The following CGNL1 variants were observed in gnomAD, a reference collection of about 807,000 sequenced individuals.
CGNL1 encodes cingulin like 1.
CGNL1 carries 132 observed loss-of-function variants against 141.2 expected under a neutral mutation model. The observed-to-expected ratio is 0.93, with a 90% CI of 0.81 to 1.08. The LOEUF (loss-of-function observed/expected upper bound fraction) is 1.08. CGNL1 is among the 50% of genes least tolerant of loss of function. The pLI is 0.00. For synonymous variants in CGNL1, 690 were observed against 622.1 expected (o/e 1.11, Z -1.63); for missense variants, 1,870 against 1,588.6 (o/e 1.18, Z -3.01).
intron 8 of CGNL1, among the ~76,000 whole-genome samples, chr15:57,502,980 T>C (rs1295443420): frequency 6.6e-5 from 10 of 152,176 alleles, no homozygotes; most frequent in Admixed American, 6.5e-4. Context: ...GAGGTCCCAG[T>C]GCAGTTGGAA....
chr15:57,450,007 T>C (rs918055400), intron 4 of CGNL1, among the ~76,000 whole-genome samples: 9 of 152,228 alleles, frequency 5.9e-5, no homozygotes, highest in Non-Finnish European at 1.2e-4. Flanking sequence ...TGAATAAGGC[T>C]GCTTTAAACG....
At chr15:57,478,205 C>T (rs1165916224) in intron 8 of CGNL1, 1 of 152,254 alleles carries the variant, frequency 6.6e-6, no homozygotes, top group Non-Finnish European at 1.5e-5. Flanking sequence ...AGGTCAGGGG[C>T]CTGTCTCTCC....
intron 1 of CGNL1, among the ~76,000 whole-genome samples, chr15:57,415,462 A>T (rs1345303976): frequency 6.6e-6 from 1 of 152,226 alleles, no homozygotes; most frequent in African/African-American, 2.4e-5. Context: ...AAGAGCTGAG[A>T]AATGCAGGTG....
At chr15:57,475,550 C>T (rs1180483824) in intron 8 of CGNL1, among the ~76,000 whole-genome samples, 1 of 149,382 alleles carries the variant, frequency 6.7e-6, no homozygotes, top group Admixed American at 6.7e-5. Flanking sequence ...CTTTTCTTCT[C>T]TTTTTACATA....
intron 1 of CGNL1, among the ~76,000 whole-genome samples, chr15:57,430,232 T>A (rs2063028367): frequency 6.6e-6 from 1 of 152,202 alleles, no homozygotes. Flanking sequence ...CCAGAGCCAA[T>A]ATTGGACTTG....
chr15:57,391,606 G>A (rs1468420795), intron 1 of CGNL1, among the ~76,000 whole-genome samples: 1 of 152,156 alleles, frequency 6.6e-6, no homozygotes, highest in African/African-American at 2.4e-5. Flanking sequence ...GTTGAAGGTG[G>A]TTTACATAAG....
intron 4 of CGNL1, among the ~76,000 whole-genome samples, chr15:57,450,323 CTG>C (rs1567125729): frequency 6.6e-6 from 1 of 152,210 alleles, no homozygotes; most frequent in Non-Finnish European, 1.5e-5. Context: ...GTCACCCAGT[CTG>C]GAGTGCAGTA....
intron 8 of CGNL1, among the ~76,000 whole-genome samples, chr15:57,505,335 A>T (rs1436282775): frequency 6.6e-6 from 1 of 152,176 alleles, no homozygotes; most frequent in Non-Finnish European, 1.5e-5. Context: ...CCCTGTTTTT[A>T]AGAAAGCTGA....
intron 14 of CGNL1, among the ~76,000 whole-genome samples, chr15:57,540,038 G>C (rs116027692): frequency 0.01 from 1,562 of 152,242 alleles, 35 homozygotes; most frequent in African/African-American, 0.035. Flanking sequence ...GGTCCTGTGT[G>C]ACTACTCTCT....
chr15:57,444,130 A>G (rs1226610606), intron 4 of CGNL1, among the ~76,000 whole-genome samples: 2 of 152,278 alleles, frequency 1.3e-5, no homozygotes, highest in Non-Finnish European at 2.9e-5. Flanking sequence ...TCTGGAGGTA[A>G]TCATATCCTG....
At chr15:57,384,135 C>T (rs1294719591) in intron 1 of CGNL1, among the ~76,000 whole-genome samples, 2 of 151,994 alleles carry the variant, frequency 1.3e-5, no homozygotes, top group African/African-American at 4.8e-5. Context: ...GGAGATAAGA[C>T]CCACCAGTTA....
chr15:57,438,783 C>G lies in CGNL1; in HGVS notation c.784C>G (p.Pro262Ala), dbSNP rs778395768. 1.2e-6 allele frequency: 2 copies of G among 1,614,160 alleles called. No homozygotes were observed. The highest frequency in any genetic ancestry group is 3.3e-5 in the Admixed American group (2 of 60,012). Residue 262 changes from proline (P) to alanine (A), a missense_variant, in exon 2 of 19, where the codon CCA becomes GCA. Transcript: ENST00000281282. ...CGGGAGGCCCCTGACTGCCCACAGCCCACATGCCCACCCTGAAACCAAGAA... is the reference window on the plus strand; with the variant it reads ...CGGGAGGCCCCTGACTGCCCACAGCGCACATGCCCACCCTGAAACCAAGAA... ...TSGRPLTAHS[P>A]HAHPETKKTR... is the part of the protein sequence containing the mutation.
Position 57,452,163 on chromosome 15 carries a change from A to C in CGNL1, c.1928A>C (p.Glu643Ala), listed in dbSNP as rs774757844. 6.2e-7 allele frequency: 1 copy of C among 1,613,694 alleles called. No individual in the cohort carries two copies. The highest frequency in any genetic ancestry group is 2.2e-5 in the East Asian group (1 of 44,856). Residue 643 changes from glutamate to alanine, a missense_variant, in exon 6 of 19, where the codon GAG (glutamate) becomes GCG (alanine). By Grantham distance (107) the Glu-to-Ala change is moderately radical (BLOSUM62 -1). Coordinates refer to ENST00000281282, the MANE Select transcript of CGNL1 (RefSeq NM_032866.5). ...TAGAATCAACAGAACATTAAAGAAG[A>C]GAGAGAGAGGATGAGAGCAAACCTA... is the stretch of plus-strand genomic sequence containing the variant. ...EVKNQQNIKEERERMRANLEE... is the reference protein window; with the variant it reads ...EVKNQQNIKEARERMRANLEE...
At chr15:57,521,979 A>G (rs1283631739) in intron 10 of CGNL1, among the ~76,000 whole-genome samples, 1 of 152,082 alleles carries the variant, frequency 6.6e-6, no homozygotes, top group Non-Finnish European at 1.5e-5. Context: ...GTCCCATACC[A>G]TACCTCACTG....
At chr15:57,509,257 C>T (rs1432356015) in intron 8 of CGNL1, among the ~76,000 whole-genome samples, 2 of 152,120 alleles carry the variant, frequency 1.3e-5, no homozygotes, top group Admixed American at 6.5e-5. Context: ...GGGTGGCCAG[C>T]GAGATGGAAC....
chr15:57,529,558 A>AC (rs1491550381), intron 13 of CGNL1, among the ~76,000 whole-genome samples: 10 of 103,216 alleles, frequency 9.7e-5, no homozygotes, highest in African/African-American at 3.3e-4. Context: ...TAACCCCCAG[A>AC]AACACACACA....
chr15:57,482,584 G>C (rs1595751162), intron 8 of CGNL1, among the ~76,000 whole-genome samples: 1 of 152,290 alleles, frequency 6.6e-6, no homozygotes, highest in South Asian at 2.1e-4. Flanking sequence ...CTCTGTAAAA[G>C]TGGGTTGGGC....
chr15:57,493,393 T>C (rs1008085166), intron 8 of CGNL1, among the ~76,000 whole-genome samples: 3 of 152,116 alleles, frequency 2.0e-5, no homozygotes, highest in African/African-American at 7.2e-5. Context: ...GGTCCTGTCA[T>C]GTTAACTTGT....
At position 57,549,691 on chromosome 15, in the gene CGNL1, C is replaced by T. The variant is rs1055143181; in HGVS notation, c.*2201C>T. 19 of 152,220 alleles carry T rather than the reference C, an allele frequency of 1.2e-4. No individual in the cohort carries two copies. Among genetic ancestry groups the T allele is most frequent in the African/African-American group, 4.6e-4 (19 of 41,426 alleles). 9.4% of individuals were successfully genotyped at this position (152,220 alleles called of 1,614,324 possible). The stretch of plus-strand genomic sequence containing the variant: ...GCAGTGAATTAAACAGGCAAAAATT[C>T]CTCCCCTCCTGGAGCTCAGTGTCAG... On this transcript the variant is annotated 3_prime_UTR_variant, in exon 19 of 19. Transcript: ENST00000281282.
Sources: gnomAD v4.1 joint callset for allele counts (sites outside exome capture counted in the v4.1 genomes callset) on GRCh38, gnomAD v4.1.1 for gene constraint, MANE v1.5 for transcripts, NCBI Gene and HGNC (gene_info 2026-07-23, HGNC 2026-07-21) for gene names.